The following RTKN2 variants were observed in gnomAD, a reference collection of about 807,000 sequenced individuals.
The protein encoded by RTKN2 is rhotekin 2.
In RTKN2, 69 loss-of-function variants were observed where a neutral mutation model predicts 71.5. That is an observed-to-expected ratio of 0.96 (90% CI 0.79 to 1.18). The LOEUF is 1.18. Ranked by LOEUF, RTKN2 falls within the 50% of genes most tolerant of loss-of-function variation. The pLI is 0.00. For synonymous variants in RTKN2, 236 were observed against 236.5 expected, an observed-to-expected ratio of 1.00 and a Z score of 0.02; for missense variants, 724 against 719.7, an observed-to-expected ratio of 1.01 and a Z score of -0.07.
intron 9 of RTKN2, among the ~76,000 whole-genome samples, chr10:62,212,739 C>T (rs776568032): frequency 6.6e-6 from 1 of 151,904 alleles, no homozygotes; most frequent in Non-Finnish European, 1.5e-5. Flanking sequence ...AAAGAAAACG[C>T]TAATAGCATG....
intron 9 of RTKN2, among the ~76,000 whole-genome samples, chr10:62,210,473 C>T (rs1332158390): frequency 2.0e-5 from 3 of 151,950 alleles, no homozygotes; most frequent in African/African-American, 7.2e-5. Context: ...ACACAAAAAC[C>T]AAAGTCAGTC....
rs114986212 is a variant in RTKN2 at position 62,206,143 on chromosome 10, G to A, written c.1021-1121C>T. 7.6e-3 allele frequency among the ~76,000 whole-genome samples: 1,155 copies of A among 152,132 alleles called. 11 individuals are homozygous for A. Among genetic ancestry groups the A allele is most frequent in the African/African-American group, 0.027 (1,106 of 41,520 alleles). ...GTATTTTACACTTACAGCACATCTC[G>A]ATCTGGACCAGCCATATTGTAAGTG... On this transcript the variant is annotated intron_variant, in intron 9 of 11. Transcript: ENST00000373789.
intron 9 of RTKN2, among the ~76,000 whole-genome samples, chr10:62,206,933 T>G (rs1160050234): frequency 6.6e-6 from 1 of 151,964 alleles, no homozygotes; most frequent in South Asian, 2.1e-4. Context: ...TGACTTAAGC[T>G]CTAGGAAGAA....
chr10:62,212,089 A>C (rs1419810318), intron 9 of RTKN2, among the ~76,000 whole-genome samples: 1 of 121,990 alleles, frequency 8.2e-6, no homozygotes. Context: ...AACATGGTGA[A>C]ACTCCATCTC....
intron 7 of RTKN2, among the ~76,000 whole-genome samples, chr10:62,221,392 G>A (rs950670545): frequency 6.6e-6 from 1 of 151,894 alleles, no homozygotes. Flanking sequence ...GAGACAAACA[G>A]AAAACACAGG....
Position 62,196,424 on chromosome 10 carries a change from A to G in RTKN2, c.*1484T>C, listed in dbSNP as rs1841332604. On this transcript the variant is annotated 3_prime_UTR_variant, in exon 12 of 12. Coordinates refer to ENST00000373789, the MANE Select transcript of RTKN2 (RefSeq NM_145307.4). ...GTTATCATTACTCCCTCAAGATTCA[A>G]TTCTTACTAGGAGTCCTGGGCAAAC... 2 of 985,372 alleles carry G rather than the reference A, an allele frequency of 2.0e-6. No individual in the cohort carries two copies. The highest frequency in any genetic ancestry group is 1.7e-5 in the African/African-American group (1 of 57,362). The allele number at this position is 985,372 out of a possible 1,614,324, so 61.0% of individuals were successfully genotyped here.
intron 6 of RTKN2, among the ~76,000 whole-genome samples, chr10:62,233,491 A>T (rs1842193079): frequency 6.6e-6 from 1 of 152,168 alleles, no homozygotes; most frequent in Admixed American, 6.5e-5. Context: ...CATTGGAAAG[A>T]CATCTTCTAT....
At chr10:62,199,907 G>A (rs747007653) in intron 10 of RTKN2, 46 bp from the exon 11 acceptor site, 3 of 1,199,360 alleles carry the variant, frequency 2.5e-6, no homozygotes, top group African/African-American at 3.1e-5. Context: ...ACATAAATGT[G>A]AAGATATATA....
rs971417559 is a variant in RTKN2 at position 62,195,565 on chromosome 10, A to AGGAAGGAGGGAAGGAG, written c.*2327_*2342dup. ...GAGAAAGAAACAAAGACAAAAAGGA[A>AGGAAGGAGGGAAGGAG]GGAAGGAGGGAAGGAGGGAAGGAGA... On this transcript the variant is annotated 3_prime_UTR_variant, in exon 12 of 12. Coordinates refer to ENST00000373789, the MANE Select transcript of RTKN2 (RefSeq NM_145307.4). 3.0e-6 allele frequency: 2 copies of AGGAAGGAGGGAAGGAG among 667,904 alleles called. No homozygotes were observed. Among genetic ancestry groups the AGGAAGGAGGGAAGGAG allele is most frequent in the Non-Finnish European group, 3.7e-6 (2 of 540,292 alleles). 41.4% of individuals were successfully genotyped at this position (667,904 alleles called of 1,614,324 possible). A position where few individuals can be genotyped will look rare whatever the true frequency, so the allele number is the denominator to read the frequency against.
At chr10:62,264,579 G>A (rs1357197008) in intron 1 of RTKN2, among the ~76,000 whole-genome samples, 1 of 152,192 alleles carries the variant, frequency 6.6e-6, no homozygotes, top group African/African-American at 2.4e-5. Context: ...ATTGGGGAGT[G>A]CACATAGGGA....
intron 9 of RTKN2, among the ~76,000 whole-genome samples, chr10:62,210,580 G>A (rs1001655670): frequency 2.0e-5 from 3 of 152,028 alleles, no homozygotes; most frequent in Non-Finnish European, 2.9e-5. Flanking sequence ...AAAGTGCTTC[G>A]TCTGAAGTCC....
At chr10:62,260,725 C>G (rs1289249599) in intron 2 of RTKN2, among the ~76,000 whole-genome samples, 1 of 152,132 alleles carries the variant, frequency 6.6e-6, no homozygotes, top group Non-Finnish European at 1.5e-5. Flanking sequence ...AAAAGCCACA[C>G]TGCCGAATTT....
downstream of RTKN2, among the ~76,000 whole-genome samples, chr10:62,193,036 TTAC>T (rs1267824761): frequency 6.6e-6 from 1 of 152,168 alleles, no homozygotes; most frequent in Non-Finnish European, 1.5e-5. Context: ...ATAATTCCTC[TTAC>T]TACTATTCTC....
rs559477389 is a variant in RTKN2 at position 62,248,528 on chromosome 10, C to T, written c.258-2471G>A. Among the ~76,000 whole-genome samples the T allele has an allele frequency of 9.9e-5, 15 of 152,182 alleles. No homozygotes were observed. The South Asian group carries it at 2.7e-3, about 27-fold the overall frequency. On this transcript the variant is annotated intron_variant, in intron 2 of 11. Coordinates refer to ENST00000373789, the MANE Select transcript of RTKN2 (RefSeq NM_145307.4). ...AGCCTGAGGAAATAGCAAATAACCA[C>T]AAAATTACCAAAACAAAGCACAGCT...
In RTKN2 at chr10:62,236,271, C is replaced by G; in HGVS notation, c.489-8G>C. On this transcript the variant is annotated splice_region_variant and splice_polypyrimidine_tract_variant and intron_variant, in intron 5 of 11. Transcript: ENST00000373789. ...TCTGGCCCTGCTTCATTACTAAAAACAAGGGCATTCATAATGTTGGAAATT... is the reference window on the plus strand; with the variant it reads ...TCTGGCCCTGCTTCATTACTAAAAAGAAGGGCATTCATAATGTTGGAAATT... 6.4e-7 allele frequency: 1 copy of G among 1,564,224 alleles called. No individual in the cohort carries two copies.
In RTKN2 at chr10:62,197,433, A is replaced by G. The variant is rs1564497235; in HGVS notation, c.*475T>C. ...AGAGCCAGTGAACCATTAGATGAGA[A>G]TTCCAGAATGCTAAGAAAATTTTCT... On this transcript the variant is annotated 3_prime_UTR_variant, in exon 12 of 12. Transcript: ENST00000373789. The G allele has an allele frequency of 1.0e-6, 1 of 986,866 alleles. No individual in the cohort carries two copies. The highest frequency in any genetic ancestry group is 1.2e-6 in the Non-Finnish European group (1 of 830,650). 61.1% of individuals were successfully genotyped at this position (986,866 alleles called of 1,614,324 possible).
At chr10:62,241,065 G>A (rs1332055901) in intron 4 of RTKN2, 77 bp downstream of exon 4, 2 of 725,330 alleles carry the variant, frequency 2.8e-6, no homozygotes, top group African/African-American at 1.8e-5. Flanking sequence ...CAGCAAGGAA[G>A]CAGTCTTTTT....
At chr10:62,240,254 G>GAA (rs11385726) in intron 4 of RTKN2, among the ~76,000 whole-genome samples, 144 of 145,648 alleles carry the variant, frequency 9.9e-4, no homozygotes, top group Middle Eastern at 3.5e-3. Context: ...GAAACCACAA[G>GAA]AAAAAAAAAA....
At chr10:62,209,503 G>A (rs1480488240) in intron 9 of RTKN2, among the ~76,000 whole-genome samples, 1 of 151,882 alleles carries the variant, frequency 6.6e-6, no homozygotes, top group African/African-American at 2.4e-5. Flanking sequence ...ACAAGTGCAG[G>A]TTTGTTACAT....
Sources: allele counts gnomAD v4.1 joint callset (sites outside exome capture counted in the v4.1 genomes callset), GRCh38; gene constraint gnomAD v4.1.1; transcripts MANE v1.5; gene names NCBI Gene and HGNC (gene_info 2026-07-23, HGNC 2026-07-21).